Variants in RABGAP1L observed in about 807,000 individuals in gnomAD.
RABGAP1L encodes the protein RAB GTPase activating protein 1 like.
RABGAP1L carries 63 observed loss-of-function variants against 137.7 expected under a neutral mutation model. The ratio of observed to expected loss-of-function variants is 0.46; its 90% confidence interval spans 0.37 to 0.56. RABGAP1L has a LOEUF of 0.56. Ranked by LOEUF, RABGAP1L falls within the 20% of genes least tolerant of loss-of-function variation. The pLI, the probability that RABGAP1L is intolerant of heterozygous loss-of-function variation, is 0.00. For synonymous variants in RABGAP1L, 431 were observed against 433.7 expected, an observed-to-expected ratio of 0.99 and a Z score of 0.08; for missense variants, 1,095 against 1,244.0, an observed-to-expected ratio of 0.88 and a Z score of 1.80.
chr1:174,784,299 T>C (rs1370404063), intron 18 of RABGAP1L, among the ~76,000 whole-genome samples: 1 of 152,024 alleles, frequency 6.6e-6, no homozygotes, highest in Non-Finnish European at 1.5e-5. Flanking sequence ...GATTACAGGC[T>C]TGAGCCACCG....
intron 14 of RABGAP1L, among the ~76,000 whole-genome samples, chr1:174,650,374 T>C (rs1325971525): frequency 1.3e-5 from 2 of 152,180 alleles, no homozygotes; most frequent in Non-Finnish European, 2.9e-5. Context: ...GGATTCCGTC[T>C]TTTTCTATTG....
At chr1:174,337,054 G>GT (rs1681545239) in intron 11 of RABGAP1L, among the ~76,000 whole-genome samples, 1 of 151,980 alleles carries the variant, frequency 6.6e-6, no homozygotes, top group Admixed American at 6.6e-5. Flanking sequence ...ATTTGTATTT[G>GT]TTTTCTATTG....
At chr1:174,803,409 T>G (rs907062708) in intron 18 of RABGAP1L, among the ~76,000 whole-genome samples, 1 of 152,222 alleles carries the variant, frequency 6.6e-6, no homozygotes, top group Admixed American at 6.5e-5. Context: ...TTTTGTGAAA[T>G]TAAAATACTG....
intron 3 of RABGAP1L, among the ~76,000 whole-genome samples, chr1:174,227,367 ATTT>A (rs761462482): frequency 7.0e-6 from 1 of 142,772 alleles, no homozygotes; most frequent in African/African-American, 2.6e-5. Context: ...TGCCCAGCTA[ATTT>A]TTTTTTTTTT....
chr1:174,412,971 A>G (rs1306215762), intron 13 of RABGAP1L, among the ~76,000 whole-genome samples: 2 of 152,124 alleles, frequency 1.3e-5, no homozygotes, highest in Middle Eastern at 3.2e-3. Flanking sequence ...AGTATCTCAC[A>G]GATATTCTCT....
rs190599750 is a variant in RABGAP1L, at chr1:174,573,279, A to G, written c.1711-64096A>G. On this transcript the variant is annotated intron_variant, in intron 13 of 25. Transcript: ENST00000681986. ...TGTGTGACATATATACACACTATATATGTTTATATGTATGTGTGTATATAT... is the reference window on the plus strand; with the variant it reads ...TGTGTGACATATATACACACTATATGTGTTTATATGTATGTGTGTATATAT... Among the ~76,000 whole-genome samples the G allele has an allele frequency of 4.9e-3, 719 of 146,474 alleles. 4 individuals carry two copies. The highest frequency in any genetic ancestry group is 0.016 in the South Asian group (73 of 4,624).
chr1:174,793,701 CTTTTTT>C (rs369193289), intron 18 of RABGAP1L, among the ~76,000 whole-genome samples: 2 of 148,808 alleles, frequency 1.3e-5, no homozygotes, highest in African/African-American at 5.0e-5. Flanking sequence ...AAAATCAAGA[CTTTTTT>C]TTTTTTGAGA....
At chr1:174,935,753 G>A (rs374773736) in intron 19 of RABGAP1L, among the ~76,000 whole-genome samples, 41 of 152,096 alleles carry the variant, frequency 2.7e-4, no homozygotes, top group African/African-American at 8.2e-4. Flanking sequence ...AGGCCGAGGC[G>A]GGCGGATCAC....
chr1:174,397,430 T>C (rs1648004133), intron 13 of RABGAP1L, among the ~76,000 whole-genome samples: 1 of 152,120 alleles, frequency 6.6e-6, no homozygotes, highest in African/African-American at 2.4e-5. Flanking sequence ...TTCCTGTGGT[T>C]TCCTATCCTG....
At chr1:174,344,144 G>A (rs1468322199) in intron 11 of RABGAP1L, among the ~76,000 whole-genome samples, 1 of 152,144 alleles carries the variant, frequency 6.6e-6, no homozygotes, top group Non-Finnish European at 1.5e-5. Context: ...GTGAGAGCTG[G>A]AGACCTTATA....
rs1463827910 is a variant in RABGAP1L, at chr1:174,964,699, G to A, written c.2434-4578G>A. On this transcript the variant is annotated intron_variant, in intron 20 of 25. Coordinates refer to ENST00000681986, the MANE Select transcript of RABGAP1L (RefSeq NM_001366446.1). ...TAGTCATTCATGCAAACTGTAAACA[G>A]CAATGTGGAGAGGGAGGAGTTTGAA... 16 of 879,614 alleles carry A rather than the reference G, an allele frequency of 1.8e-5. No homozygotes were observed. In the East Asian group the frequency reaches 6.1e-4, roughly 34 times the overall value. The allele number at this position is 879,614 out of a possible 1,614,324, so 54.5% of individuals were successfully genotyped here. A position where few individuals can be genotyped will look rare whatever the true frequency, so the allele number is the denominator to read the frequency against.
At chr1:174,597,186 G>T (rs549353531) in intron 13 of RABGAP1L, among the ~76,000 whole-genome samples, 1 of 151,966 alleles carries the variant, frequency 6.6e-6, no homozygotes, top group African/African-American at 2.4e-5. Context: ...TTCTTTTTTT[G>T]ATGTGTCTTT....
chr1:174,924,385 CAAAAA>C (rs10688718), intron 19 of RABGAP1L, among the ~76,000 whole-genome samples: 5 of 70,126 alleles, frequency 7.1e-5, no homozygotes, highest in African/African-American at 3.1e-4. Flanking sequence ...GACTCTGTCT[CAAAAA>C]AAAAAAAAAA....
intron 13 of RABGAP1L, among the ~76,000 whole-genome samples, chr1:174,635,316 A>G (rs1268802281): frequency 2.6e-5 from 4 of 152,150 alleles, no homozygotes; most frequent in African/African-American, 4.8e-5. Context: ...TATTTCAGCA[A>G]TGGCAGTAGT....
rs530902396 is a variant in RABGAP1L, at chr1:174,458,803, T to C, written c.1710+64658T>C. On this transcript the variant is annotated intron_variant, in intron 13 of 25. Transcript: ENST00000681986. ...GTAGTCTTCAAACTTCAGAAGCATT[T>C]ATTAAACTTCTCATCAATAAATGAT... Among the ~76,000 whole-genome samples, 33 of 152,268 alleles carry C rather than the reference T, an allele frequency of 2.2e-4. No individual in the cohort carries two copies. The South Asian group carries it at 6.6e-3, about 31-fold the overall frequency.
intron 11 of RABGAP1L, among the ~76,000 whole-genome samples, chr1:174,324,876 G>T (rs1260488405): frequency 6.6e-6 from 1 of 152,136 alleles, no homozygotes; most frequent in Non-Finnish European, 1.5e-5. Flanking sequence ...CATTAGTTTG[G>T]GGGGATTATG....
intron 20 of RABGAP1L, among the ~76,000 whole-genome samples, chr1:174,959,525 G>A (rs1668899552): frequency 6.6e-6 from 1 of 152,166 alleles, no homozygotes; most frequent in African/African-American, 2.4e-5. Flanking sequence ...CTTATAACAT[G>A]TAAGATTATC....
chr1:174,735,758 C>A (rs1182226396), intron 17 of RABGAP1L, among the ~76,000 whole-genome samples: 4 of 151,646 alleles, frequency 2.6e-5, no homozygotes, highest in Non-Finnish European at 5.9e-5. Flanking sequence ...AGGAAAGTTT[C>A]AATCATAGTG....
intron 10 of RABGAP1L, among the ~76,000 whole-genome samples, chr1:174,297,263 G>A (rs550016683): frequency 6.6e-6 from 1 of 152,184 alleles, no homozygotes; most frequent in Non-Finnish European, 1.5e-5. Context: ...TAAAGACGGG[G>A]TCCTTGTCTG....
Sources: allele counts gnomAD v4.1 joint callset (sites outside exome capture counted in the v4.1 genomes callset), GRCh38; gene constraint gnomAD v4.1.1; transcripts MANE v1.5; gene names NCBI Gene and HGNC (gene_info 2026-07-23, HGNC 2026-07-21).